The following ACOT12 variants were observed in gnomAD, a reference collection of about 807,000 sequenced individuals.
ACOT12 encodes acetyl-coenzyme A thioesterase.
A neutral mutation model predicts 67.7 loss-of-function variants in ACOT12; 51 were observed. That is an observed-to-expected ratio of 0.75 (90% CI 0.60 to 0.95). The LOEUF is 0.95. Among genes scored for constraint, ACOT12 ranks in the 40% least tolerant of loss-of-function variants. The pLI, the probability that ACOT12 is intolerant of heterozygous loss-of-function variation, is 0.00. For synonymous variants in ACOT12, 251 were observed against 244.6 expected (o/e 1.03, Z -0.24); for missense variants, 734 against 708.1 (o/e 1.04, Z -0.41).
chr5:81,385,793 G>T lies in ACOT12; in HGVS notation c.161C>A (p.Ala54Asp). ...EKHAGVSCVT[A>D]SVDDIQFEET... The stretch of plus-strand genomic sequence containing the variant: ...CTCAAACTGTATGTCATCCACTGAG[G>T]CTGTAACGCAGGAAACTCCAGCATG... The change falls in exon 2 of 15, where the codon GCC becomes GAC. Residue 54 changes from alanine to aspartate, a missense_variant. Ala to Asp is a moderately radical substitution (Grantham distance 126). Coordinates refer to ENST00000307624, the MANE Select transcript of ACOT12 (RefSeq NM_130767.3). The T allele has an allele frequency of 6.2e-7, 1 of 1,614,044 alleles. No homozygotes were observed.
chr5:81,361,077 C>CAAAAAAAAAAAA (rs71000820), intron 4 of ACOT12, among the ~76,000 whole-genome samples: 36 of 52,628 alleles, frequency 6.8e-4, no homozygotes, highest in South Asian at 1.0e-3. Context: ...GACTCCATCT[C>CAAAAAAAAAAAA]AAAAAAAAAA....
At chr5:81,387,615 G>T (rs113961904) in intron 1 of ACOT12, among the ~76,000 whole-genome samples, 1 of 149,198 alleles carries the variant, frequency 6.7e-6, no homozygotes, top group South Asian at 2.1e-4. Context: ...TCACTCCAGC[G>T]TCGAACTCCT....
In ACOT12 at chr5:81,330,350, A is replaced by G. The variant is rs1422998925; in HGVS notation, c.*44T>C. On this transcript the variant is annotated 3_prime_UTR_variant, in exon 15 of 15. Transcript: ENST00000307624. ...GATGTCAGGGCTAAGGGTGCTTGGA[A>G]TTAAAAGTGGGAAATTAAATTACCA... 1.9e-6 allele frequency: 3 copies of G among 1,593,730 alleles called. No homozygotes were observed. In the East Asian group the frequency reaches 6.7e-5, roughly 36 times the overall value.
intron 11 of ACOT12, among the ~76,000 whole-genome samples, chr5:81,340,231 T>A (rs953549416): frequency 1.3e-5 from 2 of 152,144 alleles, no homozygotes; most frequent in African/African-American, 4.8e-5. Flanking sequence ...GAGATGGGGT[T>A]TCACCATGTT....
intron 2 of ACOT12, among the ~76,000 whole-genome samples, chr5:81,376,185 T>G (rs1760406737): frequency 2.0e-5 from 3 of 151,972 alleles, no homozygotes; most frequent in African/African-American, 7.3e-5. Context: ...ATTAAGAAAC[T>G]CACTCAAAAC....
intron 3 of ACOT12, among the ~76,000 whole-genome samples, chr5:81,365,526 C>G (rs1230313102): frequency 3.3e-5 from 5 of 152,164 alleles, no homozygotes; most frequent in African/African-American, 1.2e-4. Context: ...AAAATAAGTT[C>G]TAAACACTGT....
chr5:81,308,868 A>G, the ACOT12 span: 2 of 1,410,960 alleles, frequency 1.4e-6, no homozygotes, highest in Non-Finnish European at 9.6e-7. Flanking sequence ...TTTTTTATTC[A>G]GAGTATTTTA....
At chr5:81,326,655 C>T (rs756384056), downstream of ACOT12, among the ~76,000 whole-genome samples, 3 of 152,132 alleles carry the variant, frequency 2.0e-5, no homozygotes, top group Non-Finnish European at 2.9e-5. Flanking sequence ...AACCAAAGGC[C>T]GATAACTTTT....
At chr5:81,363,761 A>G in intron 4 of ACOT12, 27 bp downstream of exon 4, 3 of 1,545,080 alleles carry the variant, frequency 1.9e-6, no homozygotes, top group African/African-American at 2.7e-5. Context: ...ATTACATGCT[A>G]GATACATCTT....
At position 81,394,022 on chromosome 5, in the gene ACOT12, C is replaced by A. The variant is rs1760938732; in HGVS notation, c.93G>T (p.Leu31=). 2 of 1,460,192 alleles carry A rather than the reference C, an allele frequency of 1.4e-6. No individual in the cohort carries two copies. The highest frequency in any genetic ancestry group is 2.4e-5 in the Admixed American group (1 of 41,940). 90.5% of individuals were successfully genotyped at this position (1,460,192 alleles called of 1,614,324 possible). The part of the protein sequence containing the change: ...TARGELSAGQ[L]LKWIDTTACL... ...AGGCGGTGGTGTCGATCCACTTGAG[C>A]AGCTGCCCCGCGCTCAGCTCGCCGC... Residue 31 remains leucine, a synonymous_variant, in exon 1 of 15, where the codon CTG becomes CTT. Coordinates refer to ENST00000307624, the MANE Select transcript of ACOT12 (RefSeq NM_130767.3).
At position 81,332,490 on chromosome 5, in the gene ACOT12, G is replaced by T; in HGVS notation, c.1378C>A (p.Pro460Thr). 2 of 1,613,946 alleles carry T rather than the reference G, an allele frequency of 1.2e-6. No individual in the cohort carries two copies. ...DLVVLVSRRK[P>T]LKDGNTYTVA... ...GCATATACTCACCCATCTTTGAGGG[G>T]TTTTCTTCGTGATACGAGTACTACC... Residue 460 changes from proline (P) to threonine (T), a missense_variant, in exon 13 of 15, where the codon CCC (proline) becomes ACC (threonine). Pro to Thr is a conservative substitution (Grantham distance 38). Transcript: ENST00000307624.
rs1758968267 is a variant in ACOT12, at chr5:81,335,591, C to T, written c.1262+177G>A. Among the ~76,000 whole-genome samples, 3 of 152,086 alleles carry T rather than the reference C, an allele frequency of 2.0e-5. No homozygotes were observed. In the South Asian group the frequency reaches 6.2e-4, roughly 32 times the overall value. On this transcript the variant is annotated intron_variant, in intron 12 of 14. Coordinates refer to ENST00000307624, the MANE Select transcript of ACOT12 (RefSeq NM_130767.3). ...TGTTGCCCAGGCTGGTCTTGAACTC[C>T]CGGACTCAACTATCCACCTGCCTCA...
chr5:81,323,154 G>C, the ACOT12 span, among the ~76,000 whole-genome samples: 1 of 149,664 alleles, frequency 6.7e-6, no homozygotes, highest in African/African-American at 2.4e-5. Context: ...ACTAGTAAAA[G>C]ATCATATAGT....
rs116158993 is a variant in ACOT12, at chr5:81,348,003, G to A, written c.497-73C>T. 5.0e-3 allele frequency: 7,446 copies of A among 1,485,984 alleles called. 119 individuals carry two copies. The Admixed American group carries it at 0.055, about 11-fold the overall frequency. 92.0% of individuals were successfully genotyped at this position (1,485,984 alleles called of 1,614,324 possible). On this transcript the variant is annotated intron_variant, in intron 5 of 14. Transcript: ENST00000307624. ...CCTGGGGCTCCAGCTTTTCCTTCCC[G>A]GCAGTACATTCAACTCGGATTTATA...
chr5:81,392,059 G>A (rs1055131404), intron 1 of ACOT12, among the ~76,000 whole-genome samples: 2 of 152,158 alleles, frequency 1.3e-5, no homozygotes, highest in Non-Finnish European at 2.9e-5. Context: ...TTAAGGGACT[G>A]GAAAAATAAT....
At chr5:81,367,329 G>C (rs1425005001) in intron 3 of ACOT12, among the ~76,000 whole-genome samples, 1 of 152,034 alleles carries the variant, frequency 6.6e-6, no homozygotes, top group Non-Finnish European at 1.5e-5. Flanking sequence ...TTTAAAAGAT[G>C]ATTGACTGTT....
rs1758797226 is a variant in ACOT12, at chr5:81,330,881, T to C, written c.1451A>G (p.Gln484Arg). 6.2e-7 allele frequency: 1 copy of C among 1,613,866 alleles called. No individual in the cohort carries two copies. The highest frequency in any genetic ancestry group is 8.5e-7 in the Non-Finnish European group (1 of 1,179,836). The change falls in exon 14 of 15, where the codon CAG becomes CGG. Residue 484 changes from glutamine to arginine, a missense_variant. Coordinates refer to ENST00000307624, the MANE Select transcript of ACOT12 (RefSeq NM_130767.3). The part of the protein sequence containing the change: ...VILPSVPPSP[Q>R]YIRSEIICAG... ...ACATATGATTTCACTTCTGATGTAC[T>C]GTGGAGACGGGGGGACCGATGGCAA...
downstream of ACOT12, among the ~76,000 whole-genome samples, chr5:81,326,792 C>A (rs904393930): frequency 1.3e-5 from 2 of 152,164 alleles, no homozygotes; most frequent in Non-Finnish European, 2.9e-5. Flanking sequence ...GGACTAGCTA[C>A]AGAAATTGCT....
In ACOT12 at chr5:81,367,828, A is replaced by T. The variant is rs181365710; in HGVS notation, c.258+3922T>A. ...AATATATTCTGTTTATAAGAAACCC[A>T]CTTACATGTACAAAAAGACAGGTTA... is the stretch of plus-strand genomic sequence containing the variant. On this transcript the variant is annotated intron_variant, in intron 3 of 14. Transcript: ENST00000307624. Among the ~76,000 whole-genome samples the T allele has an allele frequency of 4.9e-3, 753 of 152,350 alleles. 8 individuals are homozygous for T. The highest frequency in any genetic ancestry group is 0.017 in the African/African-American group (726 of 41,582).
Sources: gnomAD v4.1 joint callset for allele counts (sites outside exome capture counted in the v4.1 genomes callset) on GRCh38, gnomAD v4.1.1 for gene constraint, MANE v1.5 for transcripts, NCBI Gene and HGNC (gene_info 2026-07-23, HGNC 2026-07-21) for gene names.